Variants in CASP6 observed in about 807,000 individuals in gnomAD.
CASP6 encodes caspase 6.
CASP6 carries 20 observed loss-of-function variants against 31.8 expected under a neutral mutation model. That is an observed-to-expected ratio of 0.63 (90% CI 0.44 to 0.91). CASP6 has a LOEUF of 0.91. Among genes scored for constraint, CASP6 ranks in the 40% least tolerant of loss-of-function variants. The probability of loss-of-function intolerance (pLI) is 0.00; values close to 1 mark genes in which losing one functional copy is unlikely to be tolerated. For missense variants in CASP6, 328 were observed against 361.1 expected (o/e 0.91, Z 0.74); for synonymous variants, 130 against 127.8 (o/e 1.02, Z -0.12).
the CASP6 span, among the ~76,000 whole-genome samples, chr4:109,675,060 T>C: frequency 3.3e-5 from 5 of 152,230 alleles, no homozygotes; most frequent in Non-Finnish European, 5.9e-5. Flanking sequence ...ACATGGTATA[T>C]GTATTGTTAT....
downstream of CASP6, among the ~76,000 whole-genome samples, chr4:109,687,157 C>G (rs1208800455): frequency 1.3e-5 from 2 of 151,868 alleles, no homozygotes; most frequent in African/African-American, 4.8e-5. Flanking sequence ...GAGTTCAAGA[C>G]CAGCCAGAGC....
At chr4:109,668,824 T>G in the CASP6 span, among the ~76,000 whole-genome samples, 1 of 152,072 alleles carries the variant, frequency 6.6e-6, no homozygotes, top group East Asian at 1.9e-4. Flanking sequence ...TTTTAGCGGT[T>G]GCCTAAGAGT....
intron 1 of CASP6, 71 bp downstream of exon 1, chr4:109,703,285 A>G: frequency 1.3e-6 from 2 of 1,537,218 alleles, no homozygotes; most frequent in Admixed American, 3.9e-5. Flanking sequence ...CCGGTCCACT[A>G]ACCCTCGTTT....
chr4:109,700,432 G>A (rs1354396462), intron 1 of CASP6, among the ~76,000 whole-genome samples: 2 of 152,142 alleles, frequency 1.3e-5, no homozygotes, highest in Non-Finnish European at 2.9e-5. Flanking sequence ...CAAGGCAGGA[G>A]GATCTCTTGA....
downstream of CASP6, among the ~76,000 whole-genome samples, chr4:109,686,008 C>T (rs967426283): frequency 6.6e-5 from 10 of 152,156 alleles, no homozygotes; most frequent in African/African-American, 2.4e-4. Context: ...TAAAAATATC[C>T]TCCATTGCTC....
At chr4:109,682,587 C>T in the CASP6 span, 18 of 1,599,862 alleles carry the variant, frequency 1.1e-5, no homozygotes, top group East Asian at 4.0e-4. Context: ...CTCAGAAAAA[C>T]CAAGTAATGA....
At chr4:109,687,436 T>C, downstream of CASP6, 2 of 976,280 alleles carry the variant, frequency 2.0e-6, no homozygotes, top group Non-Finnish European at 3.3e-6. Context: ...ACGCTAAGTT[T>C]ATAGAATTCC....
chr4:109,700,415 G>A (rs1261111152), intron 1 of CASP6, among the ~76,000 whole-genome samples: 2 of 152,140 alleles, frequency 1.3e-5, no homozygotes, highest in African/African-American at 4.8e-5. Flanking sequence ...CCGGTTACCT[G>A]GAAGGCCAAG....
intron 1 of CASP6, among the ~76,000 whole-genome samples, chr4:109,700,965 T>C (rs1730404584): frequency 6.6e-6 from 1 of 152,156 alleles, no homozygotes. Context: ...TATTTTTTAT[T>C]ACTATCTTTT....
At chr4:109,693,501 A>T (rs1730138630) in intron 5 of CASP6, among the ~76,000 whole-genome samples, 1 of 152,064 alleles carries the variant, frequency 6.6e-6, no homozygotes, top group Admixed American at 6.5e-5. Context: ...CACACTAGCC[A>T]ACATGGTGAA....
chr4:109,684,042 A>G (rs187645841), downstream of CASP6, among the ~76,000 whole-genome samples: 1 of 149,938 alleles, frequency 6.7e-6, no homozygotes, highest in Non-Finnish European at 1.5e-5. Flanking sequence ...GCAGATGTGC[A>G]TTTGTTCAAG....
rs1282229559 is a variant in CASP6, at chr4:109,689,527, TGTACCATGAGCC to T, written c.673_684del (p.Gly225_Tyr228del). ...CCCAACATCTCACACAAATCTTGAA[TGTACCATGAGCC>T]GTTCACAGTTTCCCGGTGAGAATAA... On this transcript the variant is annotated inframe_deletion, in exon 7 of 7. Transcript: ENST00000265164. 1 of 1,614,076 alleles carries T rather than the reference TGTACCATGAGCC, an allele frequency of 6.2e-7. No homozygotes were observed. The highest frequency in any genetic ancestry group is 1.3e-5 in the African/African-American group (1 of 74,932).
At chr4:109,706,180 CAT>C (rs1730616197), upstream of CASP6, among the ~76,000 whole-genome samples, 2 of 98,458 alleles carry the variant, frequency 2.0e-5, no homozygotes, top group African/African-American at 5.4e-5. Flanking sequence ...TACACACACA[CAT>C]ATACACACAC....
chr4:109,678,932 C>T, the CASP6 span, among the ~76,000 whole-genome samples: 21 of 144,812 alleles, frequency 1.5e-4, no homozygotes, highest in African/African-American at 4.3e-4. Context: ...CCTCACATCC[C>T]AGACAGGGTG....
the CASP6 span, among the ~76,000 whole-genome samples, chr4:109,677,731 C>G: frequency 6.6e-6 from 1 of 150,432 alleles, no homozygotes; most frequent in Non-Finnish European, 1.5e-5. Context: ...AGGCCCTTGT[C>G]AGATGCTGGT....
At chr4:109,682,839 T>C in the CASP6 span, 3 of 923,642 alleles carry the variant, frequency 3.2e-6, no homozygotes, top group Non-Finnish European at 3.2e-6. Flanking sequence ...TTCCATATGC[T>C]AATTTTCTCC....
downstream of CASP6, chr4:109,685,085 T>G: frequency 2.0e-6 from 1 of 492,970 alleles, no homozygotes; most frequent in East Asian, 3.1e-5. Context: ...TAAATGAGAC[T>G]AAATGTTTTG....
chr4:109,706,168 T>TATATATACATACATAC (rs1438834395), upstream of CASP6, among the ~76,000 whole-genome samples: 1 of 92,490 alleles, frequency 1.1e-5, no homozygotes, highest in Non-Finnish European at 2.0e-5. Flanking sequence ...TATATATATA[T>TATATATACATACATAC]ATACACACAC....
chr4:109,680,080 G>A, the CASP6 span, among the ~76,000 whole-genome samples: 1 of 152,138 alleles, frequency 6.6e-6, no homozygotes, highest in Non-Finnish European at 1.5e-5. Flanking sequence ...GGTATTACAG[G>A]CGTGAACCAC....
Sources: gnomAD v4.1 joint callset for allele counts (sites outside exome capture counted in the v4.1 genomes callset) on GRCh38, gnomAD v4.1.1 for gene constraint, MANE v1.5 for transcripts, NCBI Gene and HGNC (gene_info 2026-07-23, HGNC 2026-07-21) for gene names.